The following GRPEL1 variants were observed in gnomAD, a reference collection of about 807,000 sequenced individuals.
GRPEL1 encodes the protein grpE protein homolog 1, mitochondrial.
In GRPEL1, 13 loss-of-function variants were observed where a neutral mutation model predicts 22.1. The observed-to-expected ratio is 0.59, with a 90% CI of 0.38 to 0.94. The LOEUF is 0.94. Among genes scored for constraint, GRPEL1 ranks in the 40% least tolerant of loss-of-function variants. The probability of loss-of-function intolerance (pLI) is 0.00; values close to 1 mark genes in which losing one functional copy is unlikely to be tolerated. For synonymous variants in GRPEL1, 109 were observed against 105.3 expected (o/e 1.03, Z -0.21); for missense variants, 289 against 264.6 (o/e 1.09, Z -0.64).
chr4:7,064,459 T>A (rs1724115313), intron 1 of GRPEL1: 3 of 337,666 alleles, frequency 8.9e-6, no homozygotes, highest in Non-Finnish European at 1.6e-5. Flanking sequence ...GATAAACATA[T>A]ATATATTTTT....
intron 1 of GRPEL1, among the ~76,000 whole-genome samples, chr4:7,065,026 G>A (rs146149431): frequency 6.6e-6 from 1 of 152,226 alleles, no homozygotes; most frequent in East Asian, 1.9e-4. Context: ...TACAGTACTT[G>A]GTACAGAACA....
intron 3 of GRPEL1, 58 bp downstream of exon 3, chr4:7,062,327 C>T: frequency 1.1e-6 from 1 of 891,238 alleles, no homozygotes; most frequent in African/African-American, 1.7e-5. Context: ...CATGGCCTTC[C>T]CCTTCCCCAC....
chr4:7,062,510 A>G, intron 2 of GRPEL1, 44 bp from the exon 3 acceptor site: 2 of 312,450 alleles, frequency 6.4e-6, no homozygotes, highest in Non-Finnish European at 8.9e-6. Context: ...ATATATATAT[A>G]TATATCTTTT....
intron 1 of GRPEL1, 112 bp from the exon 2 acceptor site, chr4:7,064,335 G>A: frequency 9.5e-7 from 1 of 1,048,694 alleles, no homozygotes; most frequent in South Asian, 1.7e-5. Context: ...TATTACTTGG[G>A]GAGAAAACAT....
intron 1 of GRPEL1, chr4:7,067,650 G>A (rs56659624): frequency 2.5e-6 from 1 of 407,374 alleles, no homozygotes; most frequent in African/African-American, 2.1e-5. Context: ...CCGTGAATGC[G>A]CGCGAGGCGT....
chr4:7,067,956 C>T lies in GRPEL1; in HGVS notation c.62+15G>A, dbSNP rs201657195. ...GCGCTGCCACCTCCACCCAGGGAGA[C>T]CAAGTGCCCCTTACCTGAGAGACAA... On this transcript the variant is annotated intron_variant, in intron 1 of 3. Transcript: ENST00000264954. The T allele has an allele frequency of 2.0e-4, 325 of 1,613,026 alleles. 1 individual carries two copies. Among genetic ancestry groups the T allele is most frequent in the Non-Finnish European group, 2.3e-5 (27 of 1,179,726 alleles).
chr4:7,062,206 AT>A (rs1724055591), intron 3 of GRPEL1, 178 bp downstream of exon 3: 1 of 384,938 alleles, frequency 2.6e-6, no homozygotes, highest in Non-Finnish European at 4.7e-6. Flanking sequence ...CAGCTACTTG[AT>A]TTCTGCTCCT....
Position 7,060,647 on chromosome 4 carries a change from G to GAACTATTCAA in GRPEL1, c.*205_*214dup. Reference sequence around the variant, plus strand: ...TGCTGAGCTCTTCTGAAAGTATGTGGAACTATTCAACGCGTGGCACTAAAA... The same window carrying GAACTATTCAA: ...TGCTGAGCTCTTCTGAAAGTATGTGGAACTATTCAAAACTATTCAACGCGTGGCACTAAAA... On this transcript the variant is annotated 3_prime_UTR_variant, in exon 4 of 4. Transcript: ENST00000264954. 1.7e-6 allele frequency: 1 copy of GAACTATTCAA among 580,012 alleles called. No homozygotes were observed. Among genetic ancestry groups the GAACTATTCAA allele is most frequent in the Non-Finnish European group, 3.1e-6 (1 of 327,754 alleles). The allele number at this position is 580,012 out of a possible 1,614,324, so 35.9% of individuals were successfully genotyped here. A position where few individuals can be genotyped will look rare whatever the true frequency, so the allele number is the denominator to read the frequency against.
In GRPEL1 at chr4:7,060,922, C is replaced by A; in HGVS notation, c.594G>T (p.Gly198=). Residue 198 remains glycine (G), a synonymous_variant, in exon 4 of 4, where the codon GGG becomes GGT. Transcript: ENST00000264954. Reference sequence around the variant, plus strand: ...TCAGAGTGCGCCCATGCAGCTTGTACCCCACTTTGCTAACTAGGGCCACTG... The same window carrying A: ...TCAGAGTGCGCCCATGCAGCTTGTAACCCACTTTGCTAACTAGGGCCACTG... ...PGTVALVSKV[G]YKLHGRTLRP... The A allele has an allele frequency of 1.2e-6, 2 of 1,614,206 alleles. No individual in the cohort carries two copies. The highest frequency in any genetic ancestry group is 1.7e-6 in the Non-Finnish European group (2 of 1,180,044).
At chr4:7,067,912 C>T in intron 1 of GRPEL1, 59 bp downstream of exon 1, 3 of 1,557,780 alleles carry the variant, frequency 1.9e-6, no homozygotes, top group Non-Finnish European at 2.6e-6. Context: ...GGGAAAGGCC[C>T]CCATCGGAGC....
At position 7,068,038 on chromosome 4, in the gene GRPEL1, C is replaced by A; in HGVS notation, c.-6G>T. ...CTCACGCACTGAGCCGCCATGACTGCCACTGCCCGTCGCAGTCGCCGCGCA... is the reference window on the plus strand; with the variant it reads ...CTCACGCACTGAGCCGCCATGACTGACACTGCCCGTCGCAGTCGCCGCGCA... On this transcript the variant is annotated 5_prime_UTR_variant, in exon 1 of 4. Transcript: ENST00000264954. The A allele has an allele frequency of 6.2e-7, 1 of 1,612,716 alleles. No individual in the cohort carries two copies. The highest frequency in any genetic ancestry group is 8.5e-7 in the Non-Finnish European group (1 of 1,179,636).
intron 1 of GRPEL1, among the ~76,000 whole-genome samples, chr4:7,064,841 C>T (rs1298872498): frequency 6.6e-6 from 1 of 152,120 alleles, no homozygotes; most frequent in Admixed American, 6.6e-5. Context: ...GTCACCCAAG[C>T]TACAGTATGG....
At chr4:7,067,845 C>A in intron 1 of GRPEL1, 126 bp downstream of exon 1, 1 of 985,178 alleles carries the variant, frequency 1.0e-6, no homozygotes, top group Non-Finnish European at 1.5e-6. Context: ...GGCGGGGAAC[C>A]GCGAGCCCGG....
chr4:7,061,226 A>T lies in GRPEL1; in HGVS notation c.308-18T>A. 1 of 1,590,000 alleles carries T rather than the reference A, an allele frequency of 6.3e-7. No homozygotes were observed. The highest frequency in any genetic ancestry group is 8.6e-7 in the Non-Finnish European group (1 of 1,167,048). The stretch of plus-strand genomic sequence containing the variant: ...TTGAATGCCTGGATGAAGTTAAAGA[A>T]GATCATTTGCACTCCATACCAACCG... On this transcript the variant is annotated intron_variant, in intron 3 of 3. Coordinates refer to ENST00000264954, the MANE Select transcript of GRPEL1 (RefSeq NM_025196.4).
rs143591624 is a variant in GRPEL1, at chr4:7,059,112, A to G, written c.*1750T>C. Reference sequence around the variant, plus strand: ...GTGTTCACAGGAAAAACTGCCTGACAGCGCATTTCTCAGAACACATCCCTG... The same window carrying G: ...GTGTTCACAGGAAAAACTGCCTGACGGCGCATTTCTCAGAACACATCCCTG... On this transcript the variant is annotated 3_prime_UTR_variant, in exon 4 of 4. Coordinates refer to ENST00000264954, the MANE Select transcript of GRPEL1 (RefSeq NM_025196.4). The G allele has an allele frequency of 6.6e-6, 1 of 152,342 alleles. No individual in the cohort carries two copies. The highest frequency in any genetic ancestry group is 1.9e-4 in the East Asian group (1 of 5,184). 9.4% of individuals were successfully genotyped at this position (152,342 alleles called of 1,614,324 possible).
At position 7,060,644 on chromosome 4, in the gene GRPEL1, G is replaced by A; in HGVS notation, c.*218C>T. 1 of 575,500 alleles carries A rather than the reference G, an allele frequency of 1.7e-6. No individual in the cohort carries two copies. The highest frequency in any genetic ancestry group is 2.9e-5 in the East Asian group (1 of 34,678). The allele number at this position is 575,500 out of a possible 1,614,324, so 35.6% of individuals were successfully genotyped here. A position where few individuals can be genotyped will look rare whatever the true frequency, so the allele number is the denominator to read the frequency against. ...CCCTGCTGAGCTCTTCTGAAAGTATGTGGAACTATTCAACGCGTGGCACTA... is the reference window on the plus strand; with the variant it reads ...CCCTGCTGAGCTCTTCTGAAAGTATATGGAACTATTCAACGCGTGGCACTA... On this transcript the variant is annotated 3_prime_UTR_variant, in exon 4 of 4. Coordinates refer to ENST00000264954, the MANE Select transcript of GRPEL1 (RefSeq NM_025196.4).
intron 2 of GRPEL1, among the ~76,000 whole-genome samples, chr4:7,063,246 C>T (rs1023988846): frequency 4.6e-5 from 7 of 152,064 alleles, no homozygotes; most frequent in Admixed American, 1.3e-4. Context: ...TGCACCACCA[C>T]GCCCAGCTAA....
In GRPEL1 at chr4:7,059,171, C is replaced by T. The variant is rs914399295; in HGVS notation, c.*1691G>A. 12 of 152,188 alleles carry T rather than the reference C, an allele frequency of 7.9e-5. No individual in the cohort carries two copies. Among genetic ancestry groups the T allele is most frequent in the African/African-American group, 2.2e-4 (9 of 41,436 alleles). The allele number at this position is 152,188 out of a possible 1,614,324, so 9.4% of individuals were successfully genotyped here. A position where few individuals can be genotyped will look rare whatever the true frequency, so the allele number is the denominator to read the frequency against. On this transcript the variant is annotated 3_prime_UTR_variant, in exon 4 of 4. Coordinates refer to ENST00000264954, the MANE Select transcript of GRPEL1 (RefSeq NM_025196.4). The stretch of plus-strand genomic sequence containing the variant: ...CCATGCTTGACTATATTCCAAAATC[C>T]GAAAACCCCCCAAGTTTGAAACAAT...
rs1258779158 is a variant in GRPEL1 at position 7,059,006 on chromosome 4, G to GC, written c.*1855dup. ...ACAGTAACGTGCCCTCCAGTCTAGAGCAACAGGCTACATACACCATATAGC... is the reference window on the plus strand; with the variant it reads ...ACAGTAACGTGCCCTCCAGTCTAGAGCCAACAGGCTACATACACCATATAGC... On this transcript the variant is annotated 3_prime_UTR_variant, in exon 4 of 4. Coordinates refer to ENST00000264954, the MANE Select transcript of GRPEL1 (RefSeq NM_025196.4). The GC allele has an allele frequency of 2.0e-5, 3 of 152,210 alleles. No homozygotes were observed. The highest frequency in any genetic ancestry group is 4.4e-5 in the Non-Finnish European group (3 of 68,054). 9.4% of individuals were successfully genotyped at this position (152,210 alleles called of 1,614,324 possible).
Sources: allele counts gnomAD v4.1 joint callset (sites outside exome capture counted in the v4.1 genomes callset), GRCh38; gene constraint gnomAD v4.1.1; transcripts MANE v1.5; gene names NCBI Gene and HGNC (gene_info 2026-07-23, HGNC 2026-07-21).